The following ATP8A1 variants were observed in gnomAD, a reference collection of about 807,000 sequenced individuals.
The protein encoded by ATP8A1 is ATPase phospholipid transporting 8A1.
ATP8A1 carries 90 observed loss-of-function variants against 177.7 expected under a neutral mutation model. The ratio of observed to expected loss-of-function variants is 0.51; its 90% CI spans 0.43 to 0.60. The LOEUF (loss-of-function observed/expected upper bound fraction) is 0.60, where lower values mean the gene tolerates loss of function less well. Among genes scored for constraint, ATP8A1 ranks in the 20% least tolerant of loss-of-function variants. ATP8A1 has a pLI of 0.00. For synonymous variants in ATP8A1, 493 were observed against 485.9 expected, an observed-to-expected ratio of 1.01 and a Z score of -0.19; for missense variants, 1,072 against 1,392.8, an observed-to-expected ratio of 0.77 and a Z score of 3.67.
At chr4:42,626,687 C>A in intron 2 of ATP8A1, 1 of 300,086 alleles carries the variant, frequency 3.3e-6, no homozygotes, top group Non-Finnish European at 6.3e-6. Context: ...TAACCAAAAC[C>A]AGTAACGCAT....
Position 42,595,880 on chromosome 4 carries a change from G to A in ATP8A1, c.450+4598C>T, listed in dbSNP as rs182257831. On this transcript the variant is annotated intron_variant, in intron 6 of 36. Coordinates refer to ENST00000381668, the MANE Select transcript of ATP8A1 (RefSeq NM_006095.2). ...TTGTAAGACAAAAGAAGGGCTTGTG[G>A]TTCCTAAACTCAATAAAATAGTAAC... Among the ~76,000 whole-genome samples, 576 of 152,286 alleles carry A rather than the reference G, an allele frequency of 3.8e-3. 5 individuals are homozygous for A. The highest frequency in any genetic ancestry group is 5.0e-3 in the Admixed American group (77 of 15,294).
intron 35 of ATP8A1, among the ~76,000 whole-genome samples, chr4:42,420,516 G>T (rs1006489467): frequency 6.6e-6 from 1 of 152,170 alleles, no homozygotes; most frequent in African/African-American, 2.4e-5. Flanking sequence ...TTTAACAGAA[G>T]GAGCTACATA....
At chr4:42,475,712 G>A (rs1044355418) in intron 25 of ATP8A1, among the ~76,000 whole-genome samples, 1 of 152,074 alleles carries the variant, frequency 6.6e-6, no homozygotes, top group South Asian at 2.1e-4. Flanking sequence ...ATAACTCTAT[G>A]AGAAGAACAA....
intron 18 of ATP8A1, among the ~76,000 whole-genome samples, chr4:42,550,805 T>C (rs772108910): frequency 3.9e-5 from 6 of 152,202 alleles, no homozygotes; most frequent in Non-Finnish European, 7.3e-5. Context: ...TGGCCATCCA[T>C]ATAGCTTCTC....
intron 22 of ATP8A1, among the ~76,000 whole-genome samples, chr4:42,520,817 T>A (rs1220889516): frequency 1.3e-5 from 2 of 152,228 alleles, no homozygotes; most frequent in African/African-American, 4.8e-5. Flanking sequence ...TATATTTATA[T>A]TTAGGTATCT....
chr4:42,625,602 A>T lies in ATP8A1; in HGVS notation c.264+12T>A, dbSNP rs1256146923. 1.3e-6 allele frequency: 2 copies of T among 1,556,074 alleles called. No individual in the cohort carries two copies. The highest frequency in any genetic ancestry group is 1.8e-5 in the Admixed American group (1 of 56,868). On this transcript the variant is annotated intron_variant, in intron 3 of 36. Transcript: ENST00000381668. ...CCTGAACATTTGACAAGGTTTTATG[A>T]CGTGACTTTACCTGCAGCAGTGCAA...
At position 42,534,987 on chromosome 4, in the gene ATP8A1, G is replaced by GTATA. The variant is rs1463920663; in HGVS notation, c.1722+8926_1722+8929dup. 3.3e-5 allele frequency among the ~76,000 whole-genome samples: 5 copies of GTATA among 152,138 alleles called. No individual in the cohort carries two copies. In the East Asian group the frequency reaches 7.7e-4, roughly 24 times the overall value. On this transcript the variant is annotated intron_variant, in intron 20 of 36. Transcript: ENST00000381668. ...AGAATTTGCCACTACCAAGCCAGCA[G>GTATA]TATAAGAACTCTAAAAGGAGTCTAA...
chr4:42,472,403 C>T, intron 25 of ATP8A1: 1 of 208,878 alleles, frequency 4.8e-6, no homozygotes, highest in Non-Finnish European at 9.3e-6. Context: ...AGTAAATTCA[C>T]AGTTAAAAAA....
intron 14 of ATP8A1, among the ~76,000 whole-genome samples, chr4:42,571,824 A>G (rs1206010607): frequency 1.3e-5 from 2 of 152,240 alleles, no homozygotes; most frequent in African/African-American, 4.8e-5. Context: ...GCAACTATGT[A>G]CAAATCTATT....
intron 27 of ATP8A1, among the ~76,000 whole-genome samples, chr4:42,456,541 T>C (rs915993843): frequency 6.6e-6 from 1 of 152,148 alleles, no homozygotes; most frequent in Non-Finnish European, 1.5e-5. Context: ...AGGGACAATA[T>C]GGACAAATTT....
At chr4:42,636,156 A>ACACGCGTGCGCGCGCG (rs565139270) in intron 1 of ATP8A1, among the ~76,000 whole-genome samples, 1 of 90,898 alleles carries the variant, frequency 1.1e-5, no homozygotes, top group East Asian at 3.4e-4. Context: ...ACACACACAC[A>ACACGCGTGCGCGCGCG]CGCACACACA....
At chr4:42,542,555 T>A (rs1326210983) in intron 20 of ATP8A1, among the ~76,000 whole-genome samples, 2 of 152,196 alleles carry the variant, frequency 1.3e-5, no homozygotes, top group Non-Finnish European at 2.9e-5. Flanking sequence ...CAACTCATCA[T>A]TTACATTAGG....
intron 22 of ATP8A1, 72 bp downstream of exon 22, chr4:42,522,088 G>T: frequency 6.7e-7 from 1 of 1,503,414 alleles, no homozygotes; most frequent in East Asian, 2.3e-5. Context: ...TTATTCCATT[G>T]GTTCCTTGAA....
intron 15 of ATP8A1, among the ~76,000 whole-genome samples, chr4:42,559,450 T>C (rs1267350971): frequency 6.6e-6 from 1 of 152,228 alleles, no homozygotes; most frequent in Admixed American, 6.5e-5. Context: ...AAATGTATCA[T>C]TGTGGCAAAA....
intron 1 of ATP8A1, among the ~76,000 whole-genome samples, chr4:42,648,069 G>T (rs1384595276): frequency 1.3e-5 from 2 of 152,124 alleles, no homozygotes; most frequent in East Asian, 3.8e-4. Context: ...AGCAATAATT[G>T]AAGAGGGAAA....
At chr4:42,434,648 C>A (rs1378401949) in intron 33 of ATP8A1, among the ~76,000 whole-genome samples, 3 of 152,204 alleles carry the variant, frequency 2.0e-5, no homozygotes, top group African/African-American at 7.2e-5. Flanking sequence ...AAGGCTACAT[C>A]CCTCTGGCTC....
rs1182986685 is a variant in ATP8A1 at position 42,614,046 on chromosome 4, T to G, written c.409+1987A>C. 3.3e-5 allele frequency among the ~76,000 whole-genome samples: 5 copies of G among 152,308 alleles called. No homozygotes were observed. In the South Asian group the frequency reaches 1.0e-3, roughly 32 times the overall value. On this transcript the variant is annotated intron_variant, in intron 5 of 36. Transcript: ENST00000381668. ...TTTTATATATATTTATTATAGAAGC[T>G]TTTCCTCTCACTTGCCTATTCTCAT... is the stretch of plus-strand genomic sequence containing the variant.
intron 27 of ATP8A1, among the ~76,000 whole-genome samples, chr4:42,461,754 G>C (rs991539628): frequency 6.6e-6 from 1 of 152,158 alleles, no homozygotes; most frequent in Non-Finnish European, 1.5e-5. Context: ...GGTTGGAAGA[G>C]TTTGGAGAGC....
intron 20 of ATP8A1, among the ~76,000 whole-genome samples, chr4:42,527,991 G>A (rs1316291195): frequency 6.6e-6 from 1 of 152,100 alleles, no homozygotes; most frequent in Non-Finnish European, 1.5e-5. Flanking sequence ...AAAGGGAAAT[G>A]ATCAGACATT....
Sources: gnomAD v4.1 joint callset for allele counts (sites outside exome capture counted in the v4.1 genomes callset) on GRCh38, gnomAD v4.1.1 for gene constraint, MANE v1.5 for transcripts, NCBI Gene and HGNC (gene_info 2026-07-23, HGNC 2026-07-21) for gene names.